The following IRS2 variants were observed in gnomAD, a reference collection of about 807,000 sequenced individuals.
IRS2 encodes the protein insulin receptor substrate 2.
In IRS2, 28 loss-of-function variants were observed where a neutral mutation model predicts 70.9. The ratio of observed to expected loss-of-function variants is 0.39; its 90% CI spans 0.29 to 0.54. The LOEUF (loss-of-function observed/expected upper bound fraction) is 0.54, where lower values mean the gene tolerates loss of function less well. Among genes scored for constraint, IRS2 ranks in the 20% least tolerant of loss-of-function variants. The pLI is 0.59. For missense variants in IRS2, 2,081 were observed against 2,024.1 expected, an observed-to-expected ratio of 1.03 and a Z score of -0.54; for synonymous variants, 1,217 against 981.9, an observed-to-expected ratio of 1.24 and a Z score of -4.48.
At chr13:109,778,657 G>A (rs1452290097) in intron 1 of IRS2, among the ~76,000 whole-genome samples, 1 of 152,140 alleles carries the variant, frequency 6.6e-6, no homozygotes, top group Non-Finnish European at 1.5e-5. Context: ...TGATTTTATT[G>A]TCCCTTTGGA....
In IRS2 at chr13:109,782,857, G is replaced by C. The variant is rs1877756728; in HGVS notation, c.3197C>G (p.Thr1066Ser). ...PGAASSLSSD[T>S]GDNGDYTEMA... ...CTCGGTGTAGTCACCATTGTCCCCG[G>C]TGTCCGAGGACAACGATGAGGCGGC... The change falls in exon 1 of 2, where the codon ACC becomes AGC. Residue 1066 changes from threonine to serine, a missense_variant. Thr to Ser is a moderately conservative substitution (Grantham distance 58). This residue lies in a region of IRS2 where 1,615 missense variants were observed against 1,459.5 expected (regional missense o/e 1.11). Coordinates refer to ENST00000375856, the MANE Select transcript of IRS2 (RefSeq NM_003749.3). 1 of 1,580,182 alleles carries C rather than the reference G, an allele frequency of 6.3e-7. No individual in the cohort carries two copies. Among genetic ancestry groups the C allele is most frequent in the Non-Finnish European group, 8.6e-7 (1 of 1,164,200 alleles).
intron 1 of IRS2, among the ~76,000 whole-genome samples, chr13:109,757,131 A>AG (rs1877125367): frequency 6.6e-6 from 1 of 152,154 alleles, no homozygotes; most frequent in South Asian, 2.1e-4. Context: ...CCAGTGTTTT[A>AG]GGCCTATTTT....
chr13:109,781,216 TC>T (rs1193237414), intron 1 of IRS2, among the ~76,000 whole-genome samples: 1 of 151,970 alleles, frequency 6.6e-6, no homozygotes, highest in Non-Finnish European at 1.5e-5. Context: ...TGGGGCAGGG[TC>T]CTCACAGGGT....
rs1157283184 is a variant in IRS2, at chr13:109,784,526, G to A, written c.1528C>T (p.Leu510=). ...CTTCGGTGGCTGCAGAAGGCGCGCA[G>A]GTCGCCTGGGCTGGAGCCGTACTCG... ...LDEYGSSPGD[L]RAFCSHRSNT... The change falls in exon 1 of 2, where the codon CTG becomes TTG. Residue 510 remains leucine, a synonymous_variant. Transcript: ENST00000375856. This position sits in a 1 kb window ranked among gnomAD's most constrained non-coding sequence, Gnocchi z 5.2. 3.9e-6 allele frequency: 6 copies of A among 1,527,636 alleles called. No homozygotes were observed. Among genetic ancestry groups the A allele is most frequent in the Non-Finnish European group, 4.4e-6 (5 of 1,140,128 alleles). The allele number at this position is 1,527,636 out of a possible 1,614,324, so 94.6% of individuals were successfully genotyped here.
At chr13:109,772,112 C>T (rs1877464519) in intron 1 of IRS2, among the ~76,000 whole-genome samples, 1 of 152,230 alleles carries the variant, frequency 6.6e-6, no homozygotes, top group Non-Finnish European at 1.5e-5. Flanking sequence ...GCCCAGGCAG[C>T]GCAGGGCAGT....
chr13:109,774,640 T>C (rs1877530366), intron 1 of IRS2, among the ~76,000 whole-genome samples: 1 of 152,076 alleles, frequency 6.6e-6, no homozygotes, highest in Non-Finnish European at 1.5e-5. Context: ...TGTTATGAGG[T>C]TGAACCCGAC....
Position 109,785,010 on chromosome 13 carries a change from G to C in IRS2, c.1044C>G (p.Ala348=), listed in dbSNP as rs964643162. 1.4e-6 allele frequency: 2 copies of C among 1,433,690 alleles called. No homozygotes were observed. Among genetic ancestry groups the C allele is most frequent in the African/African-American group, 1.5e-5 (1 of 67,168 alleles). 88.8% of individuals were successfully genotyped at this position (1,433,690 alleles called of 1,614,324 possible). The change falls in exon 1 of 2, where the codon GCC becomes GCG. Residue 348 remains alanine (A), a synonymous_variant. Transcript: ENST00000375856. The surrounding 1 kb of genome is among the most constrained non-coding windows in gnomAD (Gnocchi z 9.3). Reference sequence around the variant, plus strand: ...TGCACTTGGCCGCCGGCGGGGTGGCGGCCAGGCTGTCGGTGCGCGAGCGGC... The same window carrying C: ...TGCACTTGGCCGCCGGCGGGGTGGCCGCCAGGCTGTCGGTGCGCGAGCGGC... ...LVRRSRTDSL[A]ATPPAAKCSS... is the part of the protein sequence containing the mutation.
At chr13:109,767,978 G>A (rs1349028438) in intron 1 of IRS2, among the ~76,000 whole-genome samples, 5 of 152,116 alleles carry the variant, frequency 3.3e-5, no homozygotes, top group African/African-American at 1.2e-4. Flanking sequence ...TAATCCACCA[G>A]CCTTGGTCTC....
chr13:109,755,905 T>C lies in IRS2; in HGVS notation c.*399A>G, dbSNP rs529885354. On this transcript the variant is annotated 3_prime_UTR_variant, in exon 2 of 2. Transcript: ENST00000375856. ...TAAATACCAGATTTTACCACTTCCATAGGTACGGGTGCACTCTCCTAGCAT... is the reference window on the plus strand; with the variant it reads ...TAAATACCAGATTTTACCACTTCCACAGGTACGGGTGCACTCTCCTAGCAT... 1.8e-4 allele frequency: 49 copies of C among 277,104 alleles called. No individual in the cohort carries two copies. Among genetic ancestry groups the C allele is most frequent in the African/African-American group, 9.5e-4 (44 of 46,490 alleles). 17.2% of individuals were successfully genotyped at this position (277,104 alleles called of 1,614,324 possible). A position where few individuals can be genotyped will look rare whatever the true frequency, so the allele number is the denominator to read the frequency against.
At position 109,783,784 on chromosome 13, in the gene IRS2, T is replaced by C; in HGVS notation, c.2270A>G (p.Asp757Gly). The change falls in exon 1 of 2, where the codon GAT (aspartate) becomes GGT (glycine). Residue 757 changes from aspartate (D) to glycine (G), a missense_variant. By Grantham distance (94) the Asp-to-Gly change is moderately conservative. Coordinates refer to ENST00000375856, the MANE Select transcript of IRS2 (RefSeq NM_003749.3). The part of the protein sequence containing the change: ...CGSKLSMEHA[D>G]GKLLPNGDYL... ...GTCCCCGTTGGGCAGCAGCTTGCCA[T>C]CTGCATGCTCCATGGACAGCTTGGA... The C allele has an allele frequency of 6.3e-7, 1 of 1,597,864 alleles. No homozygotes were observed. The highest frequency in any genetic ancestry group is 8.5e-7 in the Non-Finnish European group (1 of 1,172,698).
chr13:109,772,877 A>G (rs1026112369), intron 1 of IRS2, among the ~76,000 whole-genome samples: 1 of 151,604 alleles, frequency 6.6e-6, no homozygotes, highest in Admixed American at 6.6e-5. Context: ...TTGTATTTTT[A>G]GTAGAGACGG....
Position 109,783,084 on chromosome 13 carries a change from C to T in IRS2, c.2970G>A (p.Lys990=), listed in dbSNP as rs761092213. Residue 990 remains lysine, a synonymous_variant, in exon 1 of 2, where the codon AAG becomes AAA. Coordinates refer to ENST00000375856, the MANE Select transcript of IRS2 (RefSeq NM_003749.3). ...NLDFSSPKSP[K]PGAPSGHPVG... ...CGGGGTGGCCGCTCGGGGCGCCCGG[C>T]TTAGGAGACTTGGGGGAGCTGAAGT... is the stretch of plus-strand genomic sequence containing the variant. 1 of 1,389,030 alleles carries T rather than the reference C, an allele frequency of 7.2e-7. No individual in the cohort carries two copies. The highest frequency in any genetic ancestry group is 3.4e-5 in the Admixed American group (1 of 29,172). 86.0% of individuals were successfully genotyped at this position (1,389,030 alleles called of 1,614,324 possible).
chr13:109,785,471 G>A lies in IRS2; in HGVS notation c.583C>T (p.Arg195Cys). 6.2e-7 allele frequency: 1 copy of A among 1,612,032 alleles called. No individual in the cohort carries two copies. Among genetic ancestry groups the A allele is most frequent in the Non-Finnish European group, 8.5e-7 (1 of 1,179,772 alleles). The change falls in exon 1 of 2, where the codon CGT becomes TGT. Residue 195 changes from arginine to cysteine, a missense_variant. Coordinates refer to ENST00000375856, the MANE Select transcript of IRS2 (RefSeq NM_003749.3). The surrounding 1 kb of genome is among the most constrained non-coding windows in gnomAD (Gnocchi z 9.3). Reference protein sequence around the residue: ...GLVAPATAAYREVWQVNLKPK... With the variant: ...GLVAPATAAYCEVWQVNLKPK... ...TTCAGGTTCACCTGCCACACCTCAC[G>A]GTAGGCGGCCGTGGCGGGAGCCACC...
chr13:109,760,719 A>G (rs957487460), intron 1 of IRS2, among the ~76,000 whole-genome samples: 1 of 152,148 alleles, frequency 6.6e-6, no homozygotes, highest in Admixed American at 6.5e-5. Flanking sequence ...TGAAGGAGAG[A>G]GCTGTCAGTA....
In IRS2 at chr13:109,785,253, G is replaced by C. The variant is rs1460097966; in HGVS notation, c.801C>G (p.Pro267=). 3 of 1,607,036 alleles carry C rather than the reference G, an allele frequency of 1.9e-6. No individual in the cohort carries two copies. Among genetic ancestry groups the C allele is most frequent in the Non-Finnish European group, 2.5e-6 (3 of 1,177,618 alleles). The part of the protein sequence containing the change: ...IEVGRSAVTG[P]GELWMQADDS... ...CGTCCGCCTGCATCCACAGCTCGCC[G>C]GGGCCTGTGACGGCCGAGCGGCCCA... Residue 267 remains proline, a synonymous_variant, in exon 1 of 2, where the codon CCC becomes CCG. Transcript: ENST00000375856. The surrounding 1 kb of genome is among the most constrained non-coding windows in gnomAD (Gnocchi z 9.3).
In IRS2 at chr13:109,785,878, T is replaced by TCC; in HGVS notation, c.175_176insGG (p.Glu59GlyfsTer35). On this transcript the variant is annotated frameshift_variant, in exon 1 of 2. Coordinates refer to ENST00000375856, the MANE Select transcript of IRS2 (RefSeq NM_003749.3). LOFTEE classifies it high-confidence loss of function. This position sits in a 1 kb window ranked among gnomAD's most constrained non-coding sequence, Gnocchi z 9.3. ...CGCCGACCCCCCGCCCGCCGTCGCC[T>TCC]CGTCGCCGCCCGCGCCGGGTCCGCG... 1 of 1,505,462 alleles carries TCC rather than the reference T, an allele frequency of 6.6e-7. No homozygotes were observed. The highest frequency in any genetic ancestry group is 8.8e-7 in the Non-Finnish European group (1 of 1,132,550). The allele number at this position is 1,505,462 out of a possible 1,614,324, so 93.3% of individuals were successfully genotyped here.
At chr13:109,762,764 G>A (rs1877253772) in intron 1 of IRS2, among the ~76,000 whole-genome samples, 2 of 152,114 alleles carry the variant, frequency 1.3e-5, no homozygotes, top group South Asian at 4.1e-4. Context: ...AAGCTTATAG[G>A]TATTAAATTG....
intron 1 of IRS2, among the ~76,000 whole-genome samples, chr13:109,778,965 C>T (rs776146581): frequency 4.6e-5 from 7 of 152,170 alleles, no homozygotes; most frequent in African/African-American, 7.2e-5. Flanking sequence ...CAAACAACAA[C>T]GAAACCTAAC....
intron 1 of IRS2, among the ~76,000 whole-genome samples, chr13:109,757,857 T>C (rs1285868872): frequency 6.6e-6 from 1 of 152,170 alleles, no homozygotes; most frequent in Non-Finnish European, 1.5e-5. Context: ...AATTTTTGTA[T>C]TTTTAGTAGA....
Sources: gnomAD v4.1 joint callset for allele counts (sites outside exome capture counted in the v4.1 genomes callset) on GRCh38, gnomAD v4.1.1 for gene constraint, gnomAD v4.1.1 regional missense constraint, Gnocchi (gnomAD v3.1) non-coding constraint, MANE v1.5 for transcripts, NCBI Gene and HGNC (gene_info 2026-07-23, HGNC 2026-07-21) for gene names.